The following ADGRL4 variants were observed in gnomAD, a reference collection of about 807,000 sequenced individuals.
The protein encoded by ADGRL4 is adhesion G protein-coupled receptor L4.
A neutral mutation model predicts 74.8 loss-of-function variants in ADGRL4; 90 were observed. The observed-to-expected ratio is 1.20, with a 90% CI of 1.02 to 1.43. ADGRL4 has a LOEUF of 1.43. Ranked by LOEUF, ADGRL4 falls within the 40% of genes most tolerant of loss-of-function variation. The pLI is 0.00. For synonymous variants in ADGRL4, 311 were observed against 279.2 expected (o/e 1.11, Z -1.14); for missense variants, 881 against 814.3 (o/e 1.08, Z -1.00).
Position 78,937,876 on chromosome 1 carries a change from G to C in ADGRL4, c.691C>G (p.Gln231Glu). ...CTCTGGGATATCCTTAAAGTAGCTT[G>C]TTCAACAGTGTGCATGAGTTTTGTA... Reference protein sequence around the residue: ...HLTKLMHTVEQATLRISQSFQ... With the variant: ...HLTKLMHTVEEATLRISQSFQ... The change falls in exon 6 of 15, where the codon CAA (glutamine) becomes GAA (glutamate). Residue 231 changes from glutamine to glutamate, a missense_variant. Gln to Glu is a conservative substitution (Grantham distance 29, BLOSUM62 2). Coordinates refer to ENST00000370742, the MANE Select transcript of ADGRL4 (RefSeq NM_022159.4). 1 of 1,613,988 alleles carries C rather than the reference G, an allele frequency of 6.2e-7. No homozygotes were observed. The highest frequency in any genetic ancestry group is 8.5e-7 in the Non-Finnish European group (1 of 1,179,912).
chr1:78,962,101 G>A (rs1649965754), intron 2 of ADGRL4, among the ~76,000 whole-genome samples: 6 of 152,108 alleles, frequency 3.9e-5, no homozygotes, highest in Admixed American at 2.6e-4. Flanking sequence ...GGCTGGTCTC[G>A]AACTCCTGAC....
chr1:78,900,278 G>C (rs1278382106), intron 12 of ADGRL4, among the ~76,000 whole-genome samples: 1 of 152,004 alleles, frequency 6.6e-6, no homozygotes, highest in African/African-American at 2.4e-5. Flanking sequence ...GAATTCTTCC[G>C]CAGTCCCTCC....
chr1:78,923,245 G>A (rs1649038967), intron 8 of ADGRL4, among the ~76,000 whole-genome samples: 1 of 152,138 alleles, frequency 6.6e-6, no homozygotes, highest in East Asian at 1.9e-4. Context: ...AGAGTTAAGT[G>A]AGGGTCTGTT....
intron 2 of ADGRL4, among the ~76,000 whole-genome samples, chr1:79,004,276 T>C (rs915129441): frequency 6.6e-6 from 1 of 152,116 alleles, no homozygotes; most frequent in African/African-American, 2.4e-5. Flanking sequence ...TTTCTCTCTC[T>C]CTCTCTCTCT....
At chr1:78,996,829 A>C (rs1650726593) in intron 2 of ADGRL4, among the ~76,000 whole-genome samples, 2 of 152,326 alleles carry the variant, frequency 1.3e-5, no homozygotes, top group South Asian at 4.1e-4. Context: ...AGCAGGTGAA[A>C]AAATACTTTA....
rs1402000106 is a variant in ADGRL4, at chr1:78,924,769, C to G, written c.1083+2117G>C. The stretch of plus-strand genomic sequence containing the variant: ...CATGATTCAGTTGTGAATAACACAC[C>G]AATTTATAGTATTATAAACACTGAA... On this transcript the variant is annotated intron_variant, in intron 8 of 14. Coordinates refer to ENST00000370742, the MANE Select transcript of ADGRL4 (RefSeq NM_022159.4). Among the ~76,000 whole-genome samples the G allele has an allele frequency of 2.0e-5, 3 of 151,970 alleles. No homozygotes were observed. In the East Asian group the frequency reaches 5.8e-4, roughly 29 times the overall value.
intron 2 of ADGRL4, among the ~76,000 whole-genome samples, chr1:78,984,348 G>T (rs1389485015): frequency 1.3e-5 from 2 of 151,616 alleles, no homozygotes; most frequent in Non-Finnish European, 3.0e-5. Context: ...GATTATTTTG[G>T]ATTTATTTAG....
intron 12 of ADGRL4, among the ~76,000 whole-genome samples, chr1:78,896,209 A>G (rs567464862): frequency 1.3e-5 from 2 of 152,166 alleles, no homozygotes; most frequent in South Asian, 4.2e-4. Context: ...GGATTTTCCT[A>G]TGCTGTTTTT....
intron 2 of ADGRL4, among the ~76,000 whole-genome samples, chr1:79,003,327 C>A (rs970581847): frequency 1.3e-5 from 2 of 150,622 alleles, no homozygotes; most frequent in East Asian, 3.9e-4. Context: ...ACTGTTTGAA[C>A]AGTTTTAAGA....
At chr1:78,948,300 A>C (rs1649651465) in intron 2 of ADGRL4, among the ~76,000 whole-genome samples, 1 of 152,192 alleles carries the variant, frequency 6.6e-6, no homozygotes, top group Non-Finnish European at 1.5e-5. Context: ...AGTTATCAAA[A>C]GTTTGTATAG....
intron 2 of ADGRL4, among the ~76,000 whole-genome samples, chr1:78,948,398 C>T (rs961856321): frequency 1.3e-5 from 2 of 151,952 alleles, no homozygotes; most frequent in Non-Finnish European, 2.9e-5. Flanking sequence ...AGTAAGTACA[C>T]ACTCACTTAA....
intron 12 of ADGRL4, among the ~76,000 whole-genome samples, chr1:78,894,703 A>G (rs940182661): frequency 6.6e-6 from 1 of 151,842 alleles, no homozygotes; most frequent in African/African-American, 2.4e-5. Context: ...TGGTTAGTCT[A>G]AATAATATAT....
chr1:78,953,520 T>A (rs532213223), intron 2 of ADGRL4, among the ~76,000 whole-genome samples: 1 of 152,276 alleles, frequency 6.6e-6, no homozygotes, highest in East Asian at 1.9e-4. Context: ...GTCACTGAGA[T>A]AAAATGAGTG....
intron 2 of ADGRL4, among the ~76,000 whole-genome samples, chr1:78,973,043 G>C (rs1650202684): frequency 6.6e-6 from 1 of 152,134 alleles, no homozygotes; most frequent in Admixed American, 6.6e-5. Context: ...GTTAGCATTA[G>C]CATTTTCTCT....
chr1:78,962,087 G>A (rs1021860526), intron 2 of ADGRL4, among the ~76,000 whole-genome samples: 4 of 151,976 alleles, frequency 2.6e-5, no homozygotes, highest in Admixed American at 1.3e-4. Context: ...CACCATGTTC[G>A]TCAGGCTGGT....
intron 12 of ADGRL4, among the ~76,000 whole-genome samples, chr1:78,911,913 C>A (rs1648770595): frequency 6.6e-6 from 1 of 151,844 alleles, no homozygotes; most frequent in Admixed American, 6.6e-5. Flanking sequence ...AGAAAAATAG[C>A]TTCAGAGAGA....
At chr1:78,928,470 A>G (rs1649164560) in intron 7 of ADGRL4, among the ~76,000 whole-genome samples, 1 of 151,492 alleles carries the variant, frequency 6.6e-6, no homozygotes, top group South Asian at 2.1e-4. Flanking sequence ...AAAGGGCATA[A>G]AAACTTTGAA....
intron 2 of ADGRL4, among the ~76,000 whole-genome samples, chr1:78,972,747 T>C (rs1429312966): frequency 6.6e-6 from 1 of 152,200 alleles, no homozygotes; most frequent in Non-Finnish European, 1.5e-5. Context: ...GTTTTCCAAT[T>C]AGTTTCTCAA....
intron 6 of ADGRL4, among the ~76,000 whole-genome samples, chr1:78,937,317 C>T (rs7553344): frequency 0.61 from 93,196 of 151,902 alleles, 28,738 homozygotes; most frequent in East Asian, 0.7. Flanking sequence ...TGCTGGCACA[C>T]GCCTGTAATC....
Sources: allele counts gnomAD v4.1 joint callset (sites outside exome capture counted in the v4.1 genomes callset), GRCh38; gene constraint gnomAD v4.1.1; transcripts MANE v1.5; gene names NCBI Gene and HGNC (gene_info 2026-07-23, HGNC 2026-07-21).